Variants in LY86 observed in about 807,000 individuals in gnomAD.
LY86 encodes the protein lymphocyte antigen 86.
In LY86, 20 loss-of-function variants were observed where a neutral mutation model predicts 17.3. The observed-to-expected ratio is 1.15, with a 90% CI of 0.81 to 1.68. LY86 has a LOEUF of 1.68. Among genes scored for constraint, LY86 ranks in the 40% most tolerant of loss-of-function variants. The pLI is 0.00. For missense variants in LY86, 200 were observed against 191.9 expected (o/e 1.04, Z -0.25); for synonymous variants, 74 against 70.6 (o/e 1.05, Z -0.24).
chr6:6,621,634 C>T (rs1761679467), intron 1 of LY86, among the ~76,000 whole-genome samples: 1 of 152,178 alleles, frequency 6.6e-6, no homozygotes, highest in African/African-American at 2.4e-5. Context: ...TGCTTCTAGA[C>T]ATCCTATGAT....
chr6:6,649,740 GAAGGAGGGA>G, intron 4 of LY86, 63 bp downstream of exon 4: 1 of 969,306 alleles, frequency 1.0e-6, no homozygotes. Context: ...AAGAAGGCTA[GAAGGAGGGA>G]AAGGAGGAGA....
intron 1 of LY86, chr6:6,622,606 T>C (rs1761705570): frequency 6.6e-6 from 1 of 151,956 alleles, no homozygotes; most frequent in Non-Finnish European, 1.5e-5. Flanking sequence ...ACCAAAGGGG[T>C]TTTGATCAAA....
chr6:6,605,977 A>AC (rs1761125009), intron 1 of LY86, among the ~76,000 whole-genome samples: 1 of 152,082 alleles, frequency 6.6e-6, no homozygotes, highest in Admixed American at 6.5e-5. Flanking sequence ...CCAAAGAGCG[A>AC]CCACCAGCAA....
chr6:6,654,494 T>G (rs149376429), intron 4 of LY86, 50 bp from the exon 5 acceptor site: 140 of 1,340,578 alleles, frequency 1.0e-4, no homozygotes, highest in Non-Finnish European at 1.4e-4. Flanking sequence ...GTTAAATGGT[T>G]AATTGTACTG....
chr6:6,593,493 G>C (rs1760596183), intron 1 of LY86, among the ~76,000 whole-genome samples: 1 of 152,214 alleles, frequency 6.6e-6, no homozygotes, highest in Non-Finnish European at 1.5e-5. Flanking sequence ...AATGTCATAG[G>C]GAGAATATAT....
intron 1 of LY86, among the ~76,000 whole-genome samples, chr6:6,605,527 A>T (rs138128409): frequency 2.3e-4 from 35 of 152,390 alleles, no homozygotes; most frequent in African/African-American, 8.2e-4. Flanking sequence ...TCTCCCCACA[A>T]CGCTACCCCA....
At chr6:6,588,940 C>G (rs1220765567) in intron 1 of LY86, 70 bp downstream of exon 1, 1 of 1,538,884 alleles carries the variant, frequency 6.5e-7, no homozygotes, top group African/African-American at 1.5e-5. Context: ...GCCGCTAGTG[C>G]TCAGTTGGAG....
At chr6:6,601,998 A>G (rs565387241) in intron 1 of LY86, among the ~76,000 whole-genome samples, 58 of 152,342 alleles carry the variant, frequency 3.8e-4, no homozygotes, top group Non-Finnish European at 7.1e-4. Context: ...TAGAGGGGCT[A>G]CCCATTTGCA....
chr6:6,619,470 GC>G (rs1761625899), intron 1 of LY86, among the ~76,000 whole-genome samples: 1 of 152,162 alleles, frequency 6.6e-6, no homozygotes, highest in Non-Finnish European at 1.5e-5. Context: ...AAGCAGACCA[GC>G]TTTATTCACA....
At chr6:6,637,451 A>G (rs1761976799) in intron 3 of LY86, among the ~76,000 whole-genome samples, 1 of 152,216 alleles carries the variant, frequency 6.6e-6, no homozygotes, top group African/African-American at 2.4e-5. Flanking sequence ...AGCCCAGCAT[A>G]CTATGACTAA....
intron 1 of LY86, among the ~76,000 whole-genome samples, chr6:6,598,552 G>A (rs578186599): frequency 2.0e-5 from 3 of 152,194 alleles, no homozygotes; most frequent in Non-Finnish European, 4.4e-5. Context: ...CACAAGTTGA[G>A]CTCTCTTTAC....
intron 3 of LY86, among the ~76,000 whole-genome samples, chr6:6,643,848 T>C (rs1261108660): frequency 6.6e-6 from 1 of 152,256 alleles, no homozygotes; most frequent in East Asian, 1.9e-4. Flanking sequence ...ACAATTTTTA[T>C]TTGTCAATCA....
intron 1 of LY86, among the ~76,000 whole-genome samples, chr6:6,603,451 T>A (rs1760977332): frequency 6.6e-6 from 1 of 151,876 alleles, no homozygotes. Flanking sequence ...AAAAACTGCC[T>A]TGCTATAAAG....
chr6:6,611,107 C>T (rs1761320652), intron 1 of LY86, among the ~76,000 whole-genome samples: 1 of 152,216 alleles, frequency 6.6e-6, no homozygotes, highest in South Asian at 2.1e-4. Flanking sequence ...GACCTCCAGC[C>T]TTTCAAAGAA....
intron 1 of LY86, among the ~76,000 whole-genome samples, chr6:6,596,065 A>C (rs9379047): frequency 3.3e-5 from 5 of 152,320 alleles, no homozygotes; most frequent in Admixed American, 2.0e-4. Flanking sequence ...CATGCTGCTG[A>C]TGTTTGCTAC....
intron 3 of LY86, among the ~76,000 whole-genome samples, chr6:6,637,338 G>T (rs1761975413): frequency 6.6e-6 from 1 of 152,038 alleles, no homozygotes; most frequent in Non-Finnish European, 1.5e-5. Flanking sequence ...GAATTCTAGA[G>T]CCCTGGGTGC....
At position 6,605,465 on chromosome 6, in the gene LY86, G is replaced by A. The variant is rs116551950; in HGVS notation, c.136+16595G>A. 1.3e-3 allele frequency among the ~76,000 whole-genome samples: 197 copies of A among 152,358 alleles called. 1 individual carries two copies. The highest frequency in any genetic ancestry group is 4.5e-3 in the African/African-American group (189 of 41,590). On this transcript the variant is annotated intron_variant, in intron 1 of 4. Coordinates refer to ENST00000230568, the MANE Select transcript of LY86 (RefSeq NM_004271.4). ...GCCCACTCACAGGGCTGTTACTGGA[G>A]TTCAAGTCTTCAATAGCTATTAGCC...
At position 6,650,911 on chromosome 6, in the gene LY86, C is replaced by T. The variant is rs2113167291; in HGVS notation, c.405+1234C>T. ...CCTCCCCACTCTGGTATCTATCTTT[C>T]CACTCTCTATCTCCATGTGATCATG... On this transcript the variant is annotated intron_variant, in intron 4 of 4. Coordinates refer to ENST00000230568, the MANE Select transcript of LY86 (RefSeq NM_004271.4). 2.0e-5 allele frequency among the ~76,000 whole-genome samples: 3 copies of T among 152,240 alleles called. No homozygotes were observed. In the South Asian group the frequency reaches 6.2e-4, roughly 32 times the overall value.
chr6:6,644,127 T>A (rs1762077683), intron 3 of LY86, among the ~76,000 whole-genome samples: 1 of 152,174 alleles, frequency 6.6e-6, no homozygotes, highest in African/African-American at 2.4e-5. Context: ...TCCAGCAAGA[T>A]CCTAGCAAGG....
Sources: allele counts gnomAD v4.1 joint callset (sites outside exome capture counted in the v4.1 genomes callset), GRCh38; gene constraint gnomAD v4.1.1; transcripts MANE v1.5; gene names NCBI Gene and HGNC (gene_info 2026-07-23, HGNC 2026-07-21).